LINGO2: variants seen among roughly 807,000 people sequenced by gnomAD.
LINGO2 encodes the protein leucine rich repeat and Ig domain containing 2, also known as leucine-rich repeat and immunoglobulin-like domain-containing nogo receptor-interacting protein 2.
LINGO2 carries 14 observed loss-of-function variants against 30.6 expected under a neutral mutation model. That is an observed-to-expected ratio of 0.46 (90% CI 0.30 to 0.72). The LOEUF (loss-of-function observed/expected upper bound fraction) is 0.72, where lower values mean the gene tolerates loss of function less well. LINGO2 is among the 30% of genes least tolerant of loss of function. The pLI is 0.07. For synonymous variants in LINGO2, 317 were observed against 288.5 expected (o/e 1.10, Z -1.00); for missense variants, 729 against 751.7 (o/e 0.97, Z 0.35).
chr9:28,990,607 C>A, the LINGO2 span, among the ~76,000 whole-genome samples: 3 of 152,164 alleles, frequency 2.0e-5, no homozygotes, highest in Non-Finnish European at 2.9e-5. Flanking sequence ...AGGCACCACC[C>A]AGTAGGGGCA....
At chr9:29,090,388 T>C in the LINGO2 span, among the ~76,000 whole-genome samples, 1 of 151,978 alleles carries the variant, frequency 6.6e-6, no homozygotes, top group South Asian at 2.1e-4. Context: ...AGGGTCTCCT[T>C]TTCACGAACC....
At chr9:29,200,434 A>G in the LINGO2 span, among the ~76,000 whole-genome samples, 1 of 152,064 alleles carries the variant, frequency 6.6e-6, no homozygotes, top group East Asian at 1.9e-4. Flanking sequence ...AGAAAGTATC[A>G]AAGAAGAAAA....
intron 4 of LINGO2, among the ~76,000 whole-genome samples, chr9:28,068,690 T>G (rs1825385608): frequency 6.6e-6 from 1 of 152,278 alleles, no homozygotes; most frequent in Middle Eastern, 3.4e-3. Context: ...GTAAGATAAG[T>G]AAAGCAGAAA....
chr9:29,061,233 A>C, the LINGO2 span, among the ~76,000 whole-genome samples: 2 of 152,020 alleles, frequency 1.3e-5, no homozygotes, highest in Admixed American at 6.6e-5. Flanking sequence ...GTGAAATAGA[A>C]ACCGTTCAAA....
chr9:28,593,271 T>C (rs1825010153), intron 1 of LINGO2, among the ~76,000 whole-genome samples: 1 of 152,124 alleles, frequency 6.6e-6, no homozygotes, highest in Non-Finnish European at 1.5e-5. Context: ...TCCATACACA[T>C]AATTACTAAT....
At chr9:28,775,990 T>G in the LINGO2 span, among the ~76,000 whole-genome samples, 1 of 152,174 alleles carries the variant, frequency 6.6e-6, no homozygotes, top group East Asian at 1.9e-4. Context: ...GCAATTTTCA[T>G]GTCACCAGTC....
the LINGO2 span, among the ~76,000 whole-genome samples, chr9:29,034,294 C>T: frequency 6.6e-6 from 1 of 151,772 alleles, no homozygotes; most frequent in African/African-American, 2.4e-5. Flanking sequence ...TTATTTTATT[C>T]CAAAAGAGTA....
chr9:28,992,965 A>G, the LINGO2 span, among the ~76,000 whole-genome samples: 1 of 151,430 alleles, frequency 6.6e-6, no homozygotes, highest in East Asian at 1.9e-4. Flanking sequence ...CTAGAAAAGC[A>G]AGAGCAAACA....
chr9:28,682,720 AG>A, the LINGO2 span, among the ~76,000 whole-genome samples: 2 of 152,092 alleles, frequency 1.3e-5, no homozygotes, highest in Non-Finnish European at 2.9e-5. Context: ...ATAATTTGCA[AG>A]GGGTTAGTGA....
chr9:28,109,580 A>T (rs1429814401), intron 4 of LINGO2, among the ~76,000 whole-genome samples: 1 of 152,188 alleles, frequency 6.6e-6, no homozygotes, highest in Admixed American at 6.5e-5. Flanking sequence ...CAAAAATCAC[A>T]AGCATTCCTA....
chr9:28,537,404 A>C (rs986217113), intron 1 of LINGO2, among the ~76,000 whole-genome samples: 2 of 152,152 alleles, frequency 1.3e-5, no homozygotes, highest in African/African-American at 2.4e-5. Flanking sequence ...TATTTAGAAT[A>C]CCAAATTATT....
At chr9:28,055,866 G>A (rs896261134) in intron 4 of LINGO2, among the ~76,000 whole-genome samples, 6 of 152,108 alleles carry the variant, frequency 3.9e-5, no homozygotes, top group African/African-American at 1.4e-4. Context: ...TGGTTTCGAA[G>A]GAGGCATTTG....
At chr9:28,394,196 A>G (rs1348376548) in intron 2 of LINGO2, among the ~76,000 whole-genome samples, 2 of 152,202 alleles carry the variant, frequency 1.3e-5, no homozygotes, top group African/African-American at 2.4e-5. Context: ...CATATCAGGT[A>G]TATCTGAAGA....
intron 4 of LINGO2, among the ~76,000 whole-genome samples, chr9:28,040,563 A>G (rs1288192863): frequency 1.3e-5 from 2 of 150,212 alleles, no homozygotes; most frequent in Non-Finnish European, 3.0e-5. Context: ...GTCATAATAG[A>G]GATTTATAAT....
the LINGO2 span, among the ~76,000 whole-genome samples, chr9:28,965,326 C>T: frequency 6.6e-6 from 1 of 151,970 alleles, no homozygotes; most frequent in Non-Finnish European, 1.5e-5. Context: ...TATTACTAAT[C>T]TCTCTTGACC....
chr9:28,358,567 C>A (rs1201764071), intron 3 of LINGO2, among the ~76,000 whole-genome samples: 1 of 152,076 alleles, frequency 6.6e-6, no homozygotes, highest in Non-Finnish European at 1.5e-5. Flanking sequence ...TAGTTTTCAC[C>A]CTGACTGGGG....
At chr9:28,676,532 T>A in the LINGO2 span, among the ~76,000 whole-genome samples, 3 of 152,192 alleles carry the variant, frequency 2.0e-5, no homozygotes, top group Non-Finnish European at 4.4e-5. Flanking sequence ...GCATACAGCC[T>A]GTTCTTCAAT....
chr9:29,009,810 T>C, the LINGO2 span, among the ~76,000 whole-genome samples: 1 of 152,148 alleles, frequency 6.6e-6, no homozygotes, highest in Non-Finnish European at 1.5e-5. Context: ...CAAAAAAGCA[T>C]GGTACTGGTA....
the LINGO2 span, among the ~76,000 whole-genome samples, chr9:29,104,758 TA>T: frequency 2.0e-5 from 3 of 152,186 alleles, no homozygotes; most frequent in Non-Finnish European, 4.4e-5. Flanking sequence ...CTCTACATCT[TA>T]AAAACTTCTA....
Sources: gnomAD v4.1 joint callset for allele counts (sites outside exome capture counted in the v4.1 genomes callset) on GRCh38, gnomAD v4.1.1 for gene constraint, MANE v1.5 for transcripts, NCBI Gene and HGNC (gene_info 2026-07-23, HGNC 2026-07-21) for gene names.